Variants in PRSS41 observed in about 807,000 individuals in gnomAD.
PRSS41 encodes protease, serine 41.
In PRSS41, 37 loss-of-function variants were observed where a neutral mutation model predicts 28.8. The observed-to-expected ratio is 1.29, with a 90% confidence interval of 0.99 to 1.69. The LOEUF is 1.69. Ranked by LOEUF, PRSS41 falls within the 40% of genes most tolerant of loss-of-function variation. The pLI, the probability that PRSS41 is intolerant of heterozygous loss-of-function variation, is 0.00. For missense variants in PRSS41, 431 were observed against 400.7 expected, an observed-to-expected ratio of 1.08 and a Z score of -0.65; for synonymous variants, 195 against 163.1, an observed-to-expected ratio of 1.20 and a Z score of -1.49.
At chr16:2,803,143 A>G (rs1053236159) in intron 4 of PRSS41, among the ~76,000 whole-genome samples, 1 of 152,202 alleles carries the variant, frequency 6.6e-6, no homozygotes, top group Non-Finnish European at 1.5e-5. Flanking sequence ...CTTTACATTA[A>G]GAGTAATTGA....
In PRSS41 at chr16:2,798,984, C is replaced by A. The variant is rs201316828; in HGVS notation, c.117C>A (p.His39Gln). ...AGGCCTGCGGCCACCGGGAAATTCA[C>A]GCGCTGGTGGCGGGCGGAGTGGAGT... is the stretch of plus-strand genomic sequence containing the variant. The change falls in exon 3 of 6, where the codon CAC becomes CAA. Residue 39 changes from histidine (H) to glutamine (Q), a missense_variant. Physicochemically the swap from His to Gln is conservative, Grantham distance 24. Coordinates refer to ENST00000399677, the Ensembl canonical transcript of PRSS41. 273 of 1,503,066 alleles carry A rather than the reference C, an allele frequency of 1.8e-4. 1 individual carries two copies. The East Asian group carries it at 4.8e-3, about 26-fold the overall frequency. 93.1% of individuals were successfully genotyped at this position (1,503,066 alleles called of 1,614,324 possible).
intron 4 of PRSS41, among the ~76,000 whole-genome samples, chr16:2,803,856 C>T (rs1238711102): frequency 6.6e-6 from 1 of 152,108 alleles, no homozygotes; most frequent in Admixed American, 6.5e-5. Context: ...ATCCCTTGTC[C>T]TTGATGTATC....
chr16:2,799,629 C>T (rs1041587881), intron 4 of PRSS41, 60 bp downstream of exon 4: 1 of 1,498,654 alleles, frequency 6.7e-7, no homozygotes, highest in Admixed American at 2.0e-5. Context: ...TTACCCTCTA[C>T]CCCTGTTCCC....
exon 3 of PRSS41, chr16:2,799,044 G>T: frequency 6.5e-7 from 1 of 1,533,246 alleles, no homozygotes; most frequent in Non-Finnish European, 8.7e-7. Flanking sequence ...AGGCCAGCCT[G>T]CGCCTGAGGA....
intron 4 of PRSS41, among the ~76,000 whole-genome samples, chr16:2,802,949 T>A (rs2068999715): frequency 6.6e-6 from 1 of 152,224 alleles, no homozygotes; most frequent in African/African-American, 2.4e-5. Context: ...TCTGATAGAG[T>A]ATAGTAACCT....
exon 4 of PRSS41, chr16:2,799,434 G>A: frequency 6.4e-7 from 1 of 1,552,186 alleles, no homozygotes; most frequent in South Asian, 1.2e-5. Flanking sequence ...CAATGACATT[G>A]CCCTGCTGAG....
intron 2 of PRSS41, 47 bp from the exon 3 acceptor site, chr16:2,798,912 A>G: frequency 4.0e-6 from 3 of 758,426 alleles, no homozygotes; most frequent in Non-Finnish European, 5.8e-6. Flanking sequence ...GGGCCTGCCC[A>G]CCCCACCCCA....
At chr16:2,804,178 T>G (rs2069005725) in intron 4 of PRSS41, among the ~76,000 whole-genome samples, 1 of 152,242 alleles carries the variant, frequency 6.6e-6, no homozygotes, top group African/African-American at 2.4e-5. Flanking sequence ...CAGGAAGCAC[T>G]GCAACAGCCT....
intron 4 of PRSS41, among the ~76,000 whole-genome samples, chr16:2,801,831 G>C (rs1037326582): frequency 0.01 from 1,574 of 152,340 alleles, 24 homozygotes; most frequent in African/African-American, 0.035. Context: ...TTGTCATCAT[G>C]GCCTGTTCTC....
chr16:2,798,639 C>G lies in PRSS41; in HGVS notation c.68C>G (p.Ser23Trp), dbSNP rs370894052. 1.0e-3 allele frequency: 1,565 copies of G among 1,496,310 alleles called. 25 individuals carry two copies. In the African/African-American group the frequency reaches 0.019, roughly 19 times the overall value. The allele number at this position is 1,496,310 out of a possible 1,614,324, so 92.7% of individuals were successfully genotyped here. ...GGTCACTTCTTGTGTCCTGCAGAGT[C>G]GCAGGAGGAGGAGCTGTTGTCAGGT... Residue 23 changes from serine to tryptophan, a missense_variant, in exon 2 of 6, where the codon TCG (serine) becomes TGG (tryptophan). Transcript: ENST00000399677.
exon 4 of PRSS41, chr16:2,799,305 T>G: frequency 1.9e-6 from 3 of 1,551,452 alleles, no homozygotes; most frequent in Non-Finnish European, 1.7e-6. Flanking sequence ...TCCCTCCGAG[T>G]GGACGGTCCA....
At chr16:2,800,078 A>G (rs1455757319) in intron 4 of PRSS41, among the ~76,000 whole-genome samples, 1 of 152,234 alleles carries the variant, frequency 6.6e-6, no homozygotes, top group Middle Eastern at 3.2e-3. Context: ...ACAAACCCAG[A>G]TGGCAGAGCC....
chr16:2,801,943 G>A (rs1027382212), intron 4 of PRSS41, among the ~76,000 whole-genome samples: 19 of 133,932 alleles, frequency 1.4e-4, no homozygotes, highest in African/African-American at 4.5e-4. Flanking sequence ...CTCACCTCCC[G>A]GACGGGGCGG....
intron 4 of PRSS41, among the ~76,000 whole-genome samples, chr16:2,802,194 C>A (rs1309239873): frequency 2.0e-5 from 3 of 148,868 alleles, no homozygotes; most frequent in Non-Finnish European, 3.0e-5. Context: ...CGCTCCTCAC[C>A]TCCCAGACAG....
rs2068974388 is a variant in PRSS41, at chr16:2,799,691, C to G, written c.541+122C>G. On this transcript the variant is annotated intron_variant, in intron 4 of 5. Transcript: ENST00000399677. ...TTGGTCTGGGGCTGCAACCTGCGCC[C>G]CTCCTGCTCTCATTCTCTCCTCACT... 52 of 1,009,922 alleles carry G rather than the reference C, an allele frequency of 5.1e-5. No individual in the cohort carries two copies. The East Asian group carries it at 1.4e-3, about 26-fold the overall frequency. 62.6% of individuals were successfully genotyped at this position (1,009,922 alleles called of 1,614,324 possible).
exon 5 of PRSS41, chr16:2,804,476 C>G: frequency 1.3e-6 from 2 of 1,551,648 alleles, no homozygotes; most frequent in Non-Finnish European, 1.7e-6. Flanking sequence ...GAACAGCCCT[C>G]TAGCCGTAGT....
At chr16:2,798,738 G>C (rs2068964809) in intron 2 of PRSS41, 76 bp downstream of exon 2, 1 of 1,332,412 alleles carries the variant, frequency 7.5e-7, no homozygotes, top group Admixed American at 3.2e-5. Flanking sequence ...ACTGCTCTCT[G>C]TTCCAGGTCC....
intron 4 of PRSS41, among the ~76,000 whole-genome samples, chr16:2,802,983 T>C (rs555205877): frequency 6.6e-6 from 1 of 152,362 alleles, no homozygotes; most frequent in South Asian, 2.1e-4. Context: ...GTTACTATTT[T>C]TATGGAAATT....
At chr16:2,804,295 T>C in intron 4 of PRSS41, 94 bp from the exon 5 acceptor site, 2 of 1,372,076 alleles carry the variant, frequency 1.5e-6, no homozygotes, top group Admixed American at 2.3e-5. Context: ...AGGGACCTTC[T>C]CCCCACCCCT....
Sources: gnomAD v4.1 joint callset for allele counts (sites outside exome capture counted in the v4.1 genomes callset) on GRCh38, gnomAD v4.1.1 for gene constraint, MANE v1.5 for transcripts, NCBI Gene and HGNC (gene_info 2026-07-23, HGNC 2026-07-21) for gene names.